Variants in EPHA3 observed in about 807,000 individuals in gnomAD.
EPHA3 encodes the protein EPH receptor A3.
In EPHA3, 42 loss-of-function variants were observed where a neutral mutation model predicts 107.1. The observed-to-expected ratio is 0.39, with a 90% CI of 0.31 to 0.51. The LOEUF is 0.51. EPHA3 is among the 20% of genes least tolerant of loss of function. The pLI is 0.78. For missense variants in EPHA3, 1,183 were observed against 1,211.2 expected, an observed-to-expected ratio of 0.98 and a Z score of 0.35; for synonymous variants, 461 against 424.8, an observed-to-expected ratio of 1.09 and a Z score of -1.05.
Position 89,289,604 on chromosome 3 carries a change from T to G in EPHA3, c.815-51312T>G, listed in dbSNP as rs545464753. 6.6e-5 allele frequency among the ~76,000 whole-genome samples: 10 copies of G among 152,214 alleles called. No individual in the cohort carries two copies. In the South Asian group the frequency reaches 2.1e-3, roughly 32 times the overall value. On this transcript the variant is annotated intron_variant, in intron 3 of 16. Coordinates refer to ENST00000336596, the MANE Select transcript of EPHA3 (RefSeq NM_005233.6). ...TCCTGTCTGTACACACATATATTAA[T>G]AGGTACTGTATTGTTAGAAATTAAA...
intron 2 of EPHA3, among the ~76,000 whole-genome samples, chr3:89,199,715 A>G (rs190037950): frequency 3.9e-5 from 6 of 152,190 alleles, no homozygotes; most frequent in Non-Finnish European, 8.8e-5. Flanking sequence ...ACTGACACAT[A>G]GTTTCTAGAA....
At chr3:89,264,549 T>C (rs1705492968) in intron 3 of EPHA3, among the ~76,000 whole-genome samples, 2 of 152,194 alleles carry the variant, frequency 1.3e-5, no homozygotes, top group South Asian at 4.1e-4. Context: ...GTTCTCTTTT[T>C]ATAAATTATC....
At chr3:89,434,640 T>A (rs545200095) in intron 13 of EPHA3, among the ~76,000 whole-genome samples, 1 of 152,334 alleles carries the variant, frequency 6.6e-6, no homozygotes, top group South Asian at 2.1e-4. Context: ...AGATGATTCA[T>A]ACTCTGGAGA....
At position 89,165,391 on chromosome 3, in the gene EPHA3, G is replaced by A. The variant is rs140592794; in HGVS notation, c.153+38118G>A. On this transcript the variant is annotated intron_variant, in intron 2 of 16. Coordinates refer to ENST00000336596, the MANE Select transcript of EPHA3 (RefSeq NM_005233.6). ...ATTCTTGAAAGAAATTATACTTTTC[G>A]TAATAATTATTTTTAATAAATGCAA... Among the ~76,000 whole-genome samples the A allele has an allele frequency of 7.7e-3, 1,173 of 152,150 alleles. 15 individuals are homozygous for A. Among genetic ancestry groups the A allele is most frequent in the African/African-American group, 0.026 (1,065 of 41,518 alleles).
At chr3:89,212,884 T>C (rs1164093571) in intron 3 of EPHA3, among the ~76,000 whole-genome samples, 1 of 152,024 alleles carries the variant, frequency 6.6e-6, no homozygotes, top group South Asian at 2.1e-4. Flanking sequence ...CATTAGCAGC[T>C]AAATAGAAAA....
rs540546384 is a variant in EPHA3, at chr3:89,261,452, C to A, written c.814+50932C>A. Reference sequence around the variant, plus strand: ...TTTACTTGTTCTTCTCCATGCGGACCTTGCTTAGAACTTGTTATTTTTCAT... The same window carrying A: ...TTTACTTGTTCTTCTCCATGCGGACATTGCTTAGAACTTGTTATTTTTCAT... On this transcript the variant is annotated intron_variant, in intron 3 of 16. Transcript: ENST00000336596. 2.6e-5 allele frequency among the ~76,000 whole-genome samples: 4 copies of A among 152,200 alleles called. No homozygotes were observed. The South Asian group carries it at 8.3e-4, about 32-fold the overall frequency.
chr3:89,212,119 T>C (rs544015246), intron 3 of EPHA3, among the ~76,000 whole-genome samples: 15 of 152,038 alleles, frequency 9.9e-5, no homozygotes, highest in African/African-American at 3.6e-4. Context: ...GTAAGGAAGG[T>C]AAGAAAATAT....
chr3:89,283,185 T>A (rs1407149100), intron 3 of EPHA3, among the ~76,000 whole-genome samples: 1 of 152,136 alleles, frequency 6.6e-6, no homozygotes, highest in Non-Finnish European at 1.5e-5. Flanking sequence ...TGTTGATGAA[T>A]TAGAATCAAC....
chr3:89,185,857 AGTAGT>A (rs1705551563), intron 2 of EPHA3, among the ~76,000 whole-genome samples: 1 of 152,228 alleles, frequency 6.6e-6, no homozygotes, highest in South Asian at 2.1e-4. Context: ...TAAATGGTTC[AGTAGT>A]GGAATGTTGT....
intron 3 of EPHA3, among the ~76,000 whole-genome samples, chr3:89,222,538 G>T (rs1469306361): frequency 6.7e-6 from 1 of 149,894 alleles, no homozygotes; most frequent in East Asian, 1.9e-4. Context: ...TAGATGTATA[G>T]ATATGTGCAT....
Position 89,439,083 on chromosome 3 carries a change from G to A in EPHA3, c.2346+7724G>A, listed in dbSNP as rs573057725. 5.9e-5 allele frequency among the ~76,000 whole-genome samples: 9 copies of A among 152,298 alleles called. No individual in the cohort carries two copies. The Middle Eastern group carries it at 0.014, about 230-fold the overall frequency. ...AGAGAATGCAATTTTATATAGGATCGTCAGAGAAATTGGTAAAATGACACT... is the reference window on the plus strand; with the variant it reads ...AGAGAATGCAATTTTATATAGGATCATCAGAGAAATTGGTAAAATGACACT... On this transcript the variant is annotated intron_variant, in intron 13 of 16. Coordinates refer to ENST00000336596, the MANE Select transcript of EPHA3 (RefSeq NM_005233.6).
intron 3 of EPHA3, among the ~76,000 whole-genome samples, 159 bp from the exon 4 acceptor site, chr3:89,340,757 A>G (rs1707499802): frequency 6.6e-6 from 1 of 152,268 alleles, no homozygotes; most frequent in South Asian, 2.1e-4. Flanking sequence ...TTATGTAGAA[A>G]AACTACAGTA....
chr3:89,345,149 TG>T (rs1404801294), intron 5 of EPHA3, among the ~76,000 whole-genome samples: 1 of 151,260 alleles, frequency 6.6e-6, no homozygotes, highest in African/African-American at 2.4e-5. Context: ...TTATAGAATC[TG>T]CCGCTTTCCA....
intron 1 of EPHA3, among the ~76,000 whole-genome samples, chr3:89,110,739 TACTC>T (rs1238125819): frequency 6.6e-6 from 1 of 152,054 alleles, no homozygotes; most frequent in East Asian, 1.9e-4. Flanking sequence ...TTCATATACT[TACTC>T]CTAGTTTCCA....
intron 5 of EPHA3, among the ~76,000 whole-genome samples, chr3:89,381,261 C>T (rs776094134): frequency 1.3e-5 from 2 of 151,996 alleles, no homozygotes; most frequent in East Asian, 2.0e-4. Context: ...CCTGAGCCAC[C>T]GCGCCCGGCC....
In EPHA3 at chr3:89,109,875, C is replaced by T. The variant is rs756544675; in HGVS notation, c.88+2039C>T. 3.9e-5 allele frequency among the ~76,000 whole-genome samples: 6 copies of T among 151,940 alleles called. No homozygotes were observed. In the East Asian group the frequency reaches 1.2e-3, roughly 29 times the overall value. ...AGATTGTGTCCTATGGGTAGTGTCTCTTTTCCTTCCTGTGATTGTGAAGGG... is the reference window on the plus strand; with the variant it reads ...AGATTGTGTCCTATGGGTAGTGTCTTTTTTCCTTCCTGTGATTGTGAAGGG... On this transcript the variant is annotated intron_variant, in intron 1 of 16. Coordinates refer to ENST00000336596, the MANE Select transcript of EPHA3 (RefSeq NM_005233.6).
chr3:89,303,040 C>A (rs1157241512), intron 3 of EPHA3, among the ~76,000 whole-genome samples: 1 of 151,938 alleles, frequency 6.6e-6, no homozygotes, highest in Non-Finnish European at 1.5e-5. Flanking sequence ...TTACTGGTAT[C>A]TGCTACCACC....
chr3:89,133,047 G>T (rs1467829353), intron 2 of EPHA3, among the ~76,000 whole-genome samples: 1 of 152,138 alleles, frequency 6.6e-6, no homozygotes, highest in East Asian at 1.9e-4. Flanking sequence ...TAATACATGT[G>T]AAAGAGCTAT....
chr3:89,171,754 G>A (rs1006197071), intron 2 of EPHA3, among the ~76,000 whole-genome samples: 1 of 152,052 alleles, frequency 6.6e-6, no homozygotes, highest in Non-Finnish European at 1.5e-5. Flanking sequence ...TTGAACAAAA[G>A]ACAACACATA....
Sources: gnomAD v4.1 joint callset for allele counts (sites outside exome capture counted in the v4.1 genomes callset) on GRCh38, gnomAD v4.1.1 for gene constraint, MANE v1.5 for transcripts, NCBI Gene and HGNC (gene_info 2026-07-23, HGNC 2026-07-21) for gene names.